KLF13: variants seen among roughly 807,000 people sequenced by gnomAD.
The protein encoded by KLF13 is Krueppel-like factor 13.
In KLF13, 8 loss-of-function variants were observed where a neutral mutation model predicts 16.7. The ratio of observed to expected loss-of-function variants is 0.48; its 90% CI spans 0.28 to 0.87. The LOEUF (loss-of-function observed/expected upper bound fraction) is 0.87, where lower values mean the gene tolerates loss of function less well. Ranked by LOEUF, KLF13 falls within the 40% of genes least tolerant of loss-of-function variation. The pLI, the probability that KLF13 is intolerant of heterozygous loss-of-function variation, is 0.10. For missense variants in KLF13, 447 were observed against 452.2 expected (o/e 0.99, Z 0.10); for synonymous variants, 245 against 208.4 (o/e 1.18, Z -1.51).
intron 1 of KLF13, among the ~76,000 whole-genome samples, chr15:31,353,691 T>A (rs973252547): frequency 6.6e-6 from 1 of 152,196 alleles, no homozygotes; most frequent in Admixed American, 6.5e-5. Flanking sequence ...CAAGAATAGC[T>A]GCTGGGAAGG....
At chr15:31,430,509 G>A (rs1051599589) in intron 1 of KLF13, among the ~76,000 whole-genome samples, 3 of 152,176 alleles carry the variant, frequency 2.0e-5, no homozygotes, top group East Asian at 1.9e-4. Context: ...TGGTGGAAGG[G>A]CAAAGAGAGG....
At chr15:31,379,779 C>T (rs1294408079), downstream of KLF13, among the ~76,000 whole-genome samples, 1 of 152,166 alleles carries the variant, frequency 6.6e-6, no homozygotes, top group Non-Finnish European at 1.5e-5. Context: ...TGACAGTGTC[C>T]TGGAGGCAGG....
At chr15:31,423,413 C>G (rs546464022) in intron 1 of KLF13, among the ~76,000 whole-genome samples, 1 of 151,688 alleles carries the variant, frequency 6.6e-6, no homozygotes, top group Non-Finnish European at 1.5e-5. Context: ...GGGTGGATCA[C>G]GTGAGGTCAG....
upstream of KLF13, among the ~76,000 whole-genome samples, chr15:31,388,226 T>G (rs2140980583): frequency 6.6e-6 from 1 of 152,334 alleles, no homozygotes; most frequent in Non-Finnish European, 1.5e-5. Context: ...TTGTTTGTTT[T>G]CCCTTCATGT....
intron 1 of KLF13, among the ~76,000 whole-genome samples, chr15:31,385,882 GAA>G (rs1401041492): frequency 6.6e-6 from 1 of 152,242 alleles, no homozygotes; most frequent in African/African-American, 2.4e-5. Context: ...GCCATGTGAG[GAA>G]GTCTCAAAAG....
At chr15:31,339,911 G>T in intron 1 of KLF13, 1 of 701,966 alleles carries the variant, frequency 1.4e-6, no homozygotes, top group South Asian at 1.5e-5. Context: ...CCTTCACCTT[G>T]GATTTCACTG....
At chr15:31,328,005 C>CCGCGCCCCCGCCGGGCA (rs2038750643) in intron 1 of KLF13, among the ~76,000 whole-genome samples, 1 of 147,916 alleles carries the variant, frequency 6.8e-6, no homozygotes, top group Non-Finnish European at 1.5e-5. Flanking sequence ...CGCCAGGCGA[C>CCGCGCCCCCGCCGGGCA]CGCGCCCCCG....
chr15:31,342,143 C>T (rs1033618429), intron 1 of KLF13, among the ~76,000 whole-genome samples: 7 of 152,178 alleles, frequency 4.6e-5, no homozygotes, highest in African/African-American at 1.4e-4. Flanking sequence ...CAGAACAGTT[C>T]TGGACAAGTC....
At chr15:31,423,152 T>C (rs1257051253) in intron 1 of KLF13, among the ~76,000 whole-genome samples, 6 of 118,402 alleles carry the variant, frequency 5.1e-5, no homozygotes, top group Admixed American at 1.6e-4. Flanking sequence ...TACGTATATA[T>C]ACGTATATAT....
chr15:31,335,774 A>C (rs1376376560), intron 1 of KLF13, among the ~76,000 whole-genome samples: 1 of 152,160 alleles, frequency 6.6e-6, no homozygotes, highest in Non-Finnish European at 1.5e-5. Context: ...CTGGTGCCAC[A>C]GGGGTGTGGC....
intron 1 of KLF13, among the ~76,000 whole-genome samples, chr15:31,347,955 C>T (rs1004683250): frequency 4.6e-5 from 7 of 152,250 alleles, no homozygotes; most frequent in Middle Eastern, 3.2e-3. Context: ...CTTCTCAGTG[C>T]GTTCCAGATC....
intron 1 of KLF13, among the ~76,000 whole-genome samples, chr15:31,328,168 G>A (rs916116095): frequency 7.3e-5 from 11 of 149,960 alleles, no homozygotes; most frequent in Non-Finnish European, 1.5e-4. Flanking sequence ...TCGTGACGGT[G>A]GGGCGCCCGG....
chr15:31,334,437 T>G (rs561001894), intron 1 of KLF13, among the ~76,000 whole-genome samples: 4 of 152,194 alleles, frequency 2.6e-5, no homozygotes, highest in African/African-American at 9.6e-5. Context: ...TCTTTCTTTT[T>G]TTTTTTTGAG....
chr15:31,357,401 G>T (rs2039316750), intron 1 of KLF13, among the ~76,000 whole-genome samples: 1 of 152,220 alleles, frequency 6.6e-6, no homozygotes, highest in African/African-American at 2.4e-5. Flanking sequence ...TGGTGACACG[G>T]CCCAGAGAGC....
At chr15:31,340,980 CT>C (rs1462667771) in intron 1 of KLF13, among the ~76,000 whole-genome samples, 10 of 152,354 alleles carry the variant, frequency 6.6e-5, no homozygotes, top group African/African-American at 1.2e-4. Flanking sequence ...CCCAGCGCCC[CT>C]GTGCCCTGTG....
intron 1 of KLF13, among the ~76,000 whole-genome samples, chr15:31,354,255 G>A (rs541683677): frequency 1.5e-4 from 23 of 152,362 alleles, no homozygotes; most frequent in African/African-American, 3.1e-4. Context: ...ACCCCAAACC[G>A]TGGTGTGCTG....
At chr15:31,433,509 C>T (rs144139110) in intron 1 of KLF13, among the ~76,000 whole-genome samples, 1 of 152,306 alleles carries the variant, frequency 6.6e-6, no homozygotes, top group East Asian at 1.9e-4. Flanking sequence ...AGGGTCCCCC[C>T]CTTCCCCAGT....
intron 1 of KLF13, among the ~76,000 whole-genome samples, chr15:31,353,067 G>A (rs551788432): frequency 1.3e-5 from 2 of 152,308 alleles, no homozygotes; most frequent in African/African-American, 4.8e-5. Context: ...GACTGCAGAG[G>A]TAGTGACAGG....
chr15:31,384,711 T>C (rs2039773234), intron 1 of KLF13, among the ~76,000 whole-genome samples: 1 of 152,120 alleles, frequency 6.6e-6, no homozygotes, highest in African/African-American at 2.4e-5. Context: ...CCTCAACATG[T>C]CCACACAAGG....
Sources: gnomAD v4.1 joint callset for allele counts (sites outside exome capture counted in the v4.1 genomes callset) on GRCh38, gnomAD v4.1.1 for gene constraint, MANE v1.5 for transcripts, NCBI Gene and HGNC (gene_info 2026-07-23, HGNC 2026-07-21) for gene names.